The following ACER3 variants were observed in gnomAD, a reference collection of about 807,000 sequenced individuals.
ACER3 encodes the protein alkaline ceramidase 3.
In ACER3, 16 loss-of-function variants were observed where a neutral mutation model predicts 48.9. That is an observed-to-expected ratio of 0.33 (90% confidence interval 0.22 to 0.50). ACER3 has a LOEUF of 0.50. ACER3 is among the 20% of genes least tolerant of loss of function. The pLI is 0.98. For missense variants in ACER3, 227 were observed against 326.0 expected, an observed-to-expected ratio of 0.70 and a Z score of 2.34; for synonymous variants, 109 against 107.8, an observed-to-expected ratio of 1.01 and a Z score of -0.07.
intron 1 of ACER3, among the ~76,000 whole-genome samples, chr11:76,913,725 A>T (rs1946447730): frequency 6.6e-6 from 1 of 152,192 alleles, no homozygotes; most frequent in Admixed American, 6.5e-5. Flanking sequence ...GAAAGCAAAA[A>T]AGAGCCCACA....
At chr11:76,897,914 TAGA>T (rs1419090590) in intron 1 of ACER3, among the ~76,000 whole-genome samples, 2 of 152,230 alleles carry the variant, frequency 1.3e-5, no homozygotes, top group African/African-American at 4.8e-5. Flanking sequence ...TGGGATATAG[TAGA>T]AGTTCTTTAT....
intron 6 of ACER3, among the ~76,000 whole-genome samples, chr11:76,992,262 C>A (rs1214008800): frequency 1.3e-5 from 2 of 151,950 alleles, no homozygotes; most frequent in Non-Finnish European, 2.9e-5. Flanking sequence ...GTATAAATAC[C>A]TCAGTTTTTA....
At chr11:77,018,753 C>A (rs573205564) in intron 9 of ACER3, among the ~76,000 whole-genome samples, 55 of 152,338 alleles carry the variant, frequency 3.6e-4, no homozygotes, top group African/African-American at 1.3e-3. Context: ...AAGGCCTAAT[C>A]CAGATCAAGG....
At chr11:76,975,500 A>G (rs1041012848) in intron 3 of ACER3, among the ~76,000 whole-genome samples, 1 of 152,146 alleles carries the variant, frequency 6.6e-6, no homozygotes, top group Non-Finnish European at 1.5e-5. Context: ...TAATAAAATT[A>G]TTTCCCTGGC....
chr11:77,019,843 G>A, intron 10 of ACER3, 67 bp downstream of exon 10: 4 of 1,535,126 alleles, frequency 2.6e-6, no homozygotes, highest in South Asian at 2.3e-5. Context: ...GGATGGAGGT[G>A]GAAGAAGAAA....
At chr11:76,919,827 G>A (rs11237013) in intron 1 of ACER3, among the ~76,000 whole-genome samples, 16,040 of 152,094 alleles carry the variant, frequency 0.11, 1,063 homozygotes, top group East Asian at 0.35. Context: ...CTGCTTAAAT[G>A]TTTATTCTTA....
chr11:76,912,267 T>C (rs1478742616), intron 1 of ACER3, among the ~76,000 whole-genome samples: 3 of 152,108 alleles, frequency 2.0e-5, no homozygotes, highest in Admixed American at 1.3e-4. Context: ...CACCTGAAGC[T>C]GAGAGAGAAG....
At chr11:76,866,285 C>A (rs1289653064) in intron 1 of ACER3, among the ~76,000 whole-genome samples, 2 of 152,168 alleles carry the variant, frequency 1.3e-5, no homozygotes, top group Non-Finnish European at 2.9e-5. Flanking sequence ...TTGGCCAATT[C>A]TCTCCTTCTG....
intron 1 of ACER3, among the ~76,000 whole-genome samples, chr11:76,890,051 T>G (rs150093644): frequency 0.013 from 1,905 of 152,286 alleles, 17 homozygotes; most frequent in Middle Eastern, 0.037. Flanking sequence ...TCCTCATGTA[T>G]TCTTGTGATT....
intron 1 of ACER3, among the ~76,000 whole-genome samples, chr11:76,918,665 A>T (rs1004083056): frequency 1.3e-5 from 2 of 152,064 alleles, no homozygotes; most frequent in Non-Finnish European, 2.9e-5. Context: ...GATCTTTCTC[A>T]TATCAAATAA....
chr11:76,880,223 A>G (rs750457620), intron 1 of ACER3, among the ~76,000 whole-genome samples: 8 of 151,786 alleles, frequency 5.3e-5, no homozygotes, highest in Non-Finnish European at 1.0e-4. Flanking sequence ...TTTTAGTTTC[A>G]TGAGACGGAA....
At chr11:76,979,065 C>T (rs529466704) in intron 4 of ACER3, among the ~76,000 whole-genome samples, 2 of 152,306 alleles carry the variant, frequency 1.3e-5, no homozygotes, top group South Asian at 4.1e-4. Flanking sequence ...CCAAGTGCAG[C>T]CTGCCAGGCC....
chr11:76,998,915 C>T, intron 7 of ACER3, 94 bp downstream of exon 7: 1 of 968,424 alleles, frequency 1.0e-6, no homozygotes. Context: ...CATAAAAGCT[C>T]ACTTCAGTAG....
chr11:76,905,507 C>A (rs1458915250), intron 1 of ACER3, among the ~76,000 whole-genome samples: 1 of 152,132 alleles, frequency 6.6e-6, no homozygotes, highest in African/African-American at 2.4e-5. Context: ...TAGCTCAAGA[C>A]CCCTTTCCAT....
chr11:76,925,861 T>C (rs1946816606), intron 1 of ACER3, among the ~76,000 whole-genome samples: 1 of 152,202 alleles, frequency 6.6e-6, no homozygotes, highest in African/African-American at 2.4e-5. Flanking sequence ...ATTTGGAAAA[T>C]ATTGTGCCCC....
At chr11:76,981,642 A>T (rs999227320) in intron 4 of ACER3, among the ~76,000 whole-genome samples, 1 of 152,212 alleles carries the variant, frequency 6.6e-6, no homozygotes, top group East Asian at 1.9e-4. Flanking sequence ...ATTATACCAT[A>T]TGTACTCTTT....
chr11:76,934,406 C>T (rs1022273821), intron 2 of ACER3, among the ~76,000 whole-genome samples: 9 of 152,234 alleles, frequency 5.9e-5, no homozygotes, highest in Admixed American at 6.5e-5. Context: ...CCATTGAGCA[C>T]TGAGTGAACG....
intron 1 of ACER3, among the ~76,000 whole-genome samples, chr11:76,910,985 C>T (rs1489329745): frequency 6.6e-6 from 1 of 152,106 alleles, no homozygotes; most frequent in Non-Finnish European, 1.5e-5. Flanking sequence ...GACCATTTTT[C>T]TGATTAAAAT....
chr11:77,000,690 C>G (rs1307914542), intron 7 of ACER3, among the ~76,000 whole-genome samples: 1 of 152,140 alleles, frequency 6.6e-6, no homozygotes, highest in Non-Finnish European at 1.5e-5. Flanking sequence ...ATTGAATTGC[C>G]TTTGCACTTT....
Sources: allele counts gnomAD v4.1 joint callset (sites outside exome capture counted in the v4.1 genomes callset), GRCh38; gene constraint gnomAD v4.1.1; transcripts MANE v1.5; gene names NCBI Gene and HGNC (gene_info 2026-07-23, HGNC 2026-07-21).